FRRS1: variants seen among roughly 807,000 people sequenced by gnomAD.
FRRS1 encodes ferric reductase 1.
In FRRS1, 51 loss-of-function variants were observed where a neutral mutation model predicts 70.7. That is an observed-to-expected ratio of 0.72 (90% CI 0.58 to 0.91). FRRS1 has a LOEUF of 0.91. FRRS1 is among the 40% of genes least tolerant of loss of function. The pLI is 0.00. For synonymous variants in FRRS1, 225 were observed against 238.7 expected, an observed-to-expected ratio of 0.94 and a Z score of 0.53; for missense variants, 672 against 726.0, an observed-to-expected ratio of 0.93 and a Z score of 0.86.
chr1:99,741,060 G>A, intron 5 of FRRS1, 120 bp from the exon 6 acceptor site: 1 of 917,946 alleles, frequency 1.1e-6, no homozygotes, highest in Non-Finnish European at 1.7e-6. Flanking sequence ...CTACCTAACA[G>A]GACTATTAAT....
chr1:99,716,004 C>A (rs573146481), intron 11 of FRRS1, among the ~76,000 whole-genome samples: 1 of 152,298 alleles, frequency 6.6e-6, no homozygotes, highest in African/African-American at 2.4e-5. Context: ...ATTTATTAAG[C>A]TCCACCATCG....
chr1:99,747,532 A>T, intron 3 of FRRS1, 102 bp from the exon 4 acceptor site: 3 of 1,063,942 alleles, frequency 2.8e-6, no homozygotes, highest in Non-Finnish European at 4.1e-6. Context: ...CATATGCAAA[A>T]GTACTCCTGG....
Position 99,706,211 on chromosome 1 carries a change from A to G in FRRS1, c.*2817T>C, listed in dbSNP as rs1177226701. Among the ~76,000 whole-genome samples, 1 of 148,506 alleles carries G rather than the reference A, an allele frequency of 6.7e-6. No individual in the cohort carries two copies. The highest frequency in any genetic ancestry group is 1.5e-5 in the Non-Finnish European group (1 of 67,616). On this transcript the variant is annotated 3_prime_UTR_variant, in exon 17 of 17. Transcript: ENST00000646001. The stretch of plus-strand genomic sequence containing the variant: ...AGATCAGCCTGGGCAACAAAGGGAG[A>G]TCCCTTCTCTACCAAAAAAAAAAAA...
intron 11 of FRRS1, among the ~76,000 whole-genome samples, chr1:99,716,828 T>C (rs1654555287): frequency 2.0e-5 from 3 of 152,336 alleles, no homozygotes; most frequent in African/African-American, 7.2e-5. Context: ...AGGATACTCA[T>C]TGGCTCTTGC....
Position 99,709,098 on chromosome 1 carries a change from A to G in FRRS1, c.1709T>C (p.Val570Ala), listed in dbSNP as rs745491322. The change falls in exon 17 of 17, where the codon GTG (valine) becomes GCG (alanine). Residue 570 changes from valine (V) to alanine (A), a missense_variant. By Grantham distance (64) the Val-to-Ala change is moderately conservative. Coordinates refer to ENST00000646001, the MANE Select transcript of FRRS1 (RefSeq NM_001361041.2). ...ETEGHAFKKAVLAIYVCGNVT... is the reference protein window; with the variant it reads ...ETEGHAFKKAALAIYVCGNVT... The stretch of plus-strand genomic sequence containing the variant: ...ATTCCCACAGACATAAATTGCCAAC[A>G]CTGCCTTTTTAAAAGCATGACCCTG... 2.8e-5 allele frequency: 45 copies of G among 1,613,470 alleles called. No individual in the cohort carries two copies. The highest frequency in any genetic ancestry group is 3.2e-5 in the Non-Finnish European group (38 of 1,179,770).
intron 9 of FRRS1, among the ~76,000 whole-genome samples, chr1:99,723,807 A>T (rs1395440331): frequency 6.6e-6 from 1 of 152,230 alleles, no homozygotes; most frequent in African/African-American, 2.4e-5. Context: ...AAATGGTGTT[A>T]GGACACCTGG....
chr1:99,753,994 G>A lies in FRRS1; in HGVS notation c.-105-4993C>T, dbSNP rs557786074. 7.8e-4 allele frequency among the ~76,000 whole-genome samples: 119 copies of A among 152,270 alleles called. 1 individual carries two copies. Among genetic ancestry groups the A allele is most frequent in the African/African-American group, 8.9e-4 (37 of 41,550 alleles). On this transcript the variant is annotated intron_variant, in intron 1 of 16. Transcript: ENST00000646001. ...ATTTAAAGAAAGCAGGAGTAGCTAC[G>A]TTAATTTCAGACAGTAGACTTCAAA...
In FRRS1 at chr1:99,705,397, T is replaced by C. The variant is rs1234181645; in HGVS notation, c.*3631A>G. On this transcript the variant is annotated 3_prime_UTR_variant, in exon 17 of 17. Transcript: ENST00000646001. ...GAACTGTGAATATCCTAATCTGATT[T>C]AAAAAGGACTCTTAGAAGAATCTTT... is the stretch of plus-strand genomic sequence containing the variant. 1.3e-5 allele frequency among the ~76,000 whole-genome samples: 2 copies of C among 152,234 alleles called. No homozygotes were observed. The highest frequency in any genetic ancestry group is 2.9e-5 in the Non-Finnish European group (2 of 68,032).
chr1:99,750,709 C>G (rs1052034808), intron 1 of FRRS1, among the ~76,000 whole-genome samples: 4 of 150,150 alleles, frequency 2.7e-5, no homozygotes, highest in African/African-American at 9.8e-5. Flanking sequence ...GAGAACAGAT[C>G]CAAGAACTGT....
At position 99,706,902 on chromosome 1, in the gene FRRS1, A is replaced by G. The variant is rs766690176; in HGVS notation, c.*2126T>C. Among the ~76,000 whole-genome samples the G allele has an allele frequency of 1.6e-4, 25 of 152,182 alleles. No homozygotes were observed. The highest frequency in any genetic ancestry group is 2.8e-4 in the Non-Finnish European group (19 of 68,026). ...GTGAGACTTTGTCACAAAAAAAAAA[A>G]AGAGAGAATTTTTCTTTGTCAGATG... On this transcript the variant is annotated 3_prime_UTR_variant, in exon 17 of 17. Transcript: ENST00000646001.
chr1:99,718,628 CT>C (rs1654653695), intron 10 of FRRS1, among the ~76,000 whole-genome samples: 1 of 152,168 alleles, frequency 6.6e-6, no homozygotes, highest in Non-Finnish European at 1.5e-5. Context: ...CGCGTACGGC[CT>C]AGAGCCTTGT....
intron 9 of FRRS1, among the ~76,000 whole-genome samples, chr1:99,720,856 C>CAG (rs1239240220): frequency 6.6e-6 from 1 of 151,180 alleles, no homozygotes; most frequent in African/African-American, 2.4e-5. Context: ...CACACACACA[C>CAG]ACACACACAC....
In FRRS1 at chr1:99,738,070, A is replaced by C. The variant is rs1271228725; in HGVS notation, c.759+16T>G. ...TTCTCCTTTTGTTACCACTTATGTA[A>C]GTGAGAGGTACCAACCATCCACTGA... is the stretch of plus-strand genomic sequence containing the variant. On this transcript the variant is annotated intron_variant, in intron 7 of 16. Transcript: ENST00000646001. 6.3e-6 allele frequency: 10 copies of C among 1,586,602 alleles called. No individual in the cohort carries two copies. Among genetic ancestry groups the C allele is most frequent in the Non-Finnish European group, 8.6e-6 (10 of 1,162,906 alleles).
Position 99,747,334 on chromosome 1 carries a change from T to A in FRRS1, c.293A>T (p.Asp98Val). ...GGTCAAAAGTTGTGACACTTCACTG[T>A]CAATCAATGTGAAGGAGCCAATAGG... ...GPPIGSFTLI[D>V]SEVSQLLTCE... The change falls in exon 4 of 17, where the codon GAC becomes GTC. Residue 98 changes from aspartate to valine, a missense_variant. By Grantham distance (152) the Asp-to-Val change is radical. Coordinates refer to ENST00000646001, the MANE Select transcript of FRRS1 (RefSeq NM_001361041.2). The A allele has an allele frequency of 6.2e-7, 1 of 1,613,988 alleles. No homozygotes were observed. The highest frequency in any genetic ancestry group is 8.5e-7 in the Non-Finnish European group (1 of 1,179,914).
chr1:99,724,504 A>T (rs1654986195), intron 9 of FRRS1, among the ~76,000 whole-genome samples: 1 of 152,252 alleles, frequency 6.6e-6, no homozygotes, highest in Non-Finnish European at 1.5e-5. Flanking sequence ...GATTGTTAGG[A>T]GACTTTATTG....
intron 3 of FRRS1, 195 bp from the exon 4 acceptor site, chr1:99,747,625 C>A (rs777762466): frequency 9.3e-6 from 5 of 539,908 alleles, no homozygotes; most frequent in Non-Finnish European, 1.3e-5. Context: ...GATATTCAAT[C>A]TGTGAGATAT....
At chr1:99,766,267 T>C (rs1657347132) in intron 1 of FRRS1, among the ~76,000 whole-genome samples, 1 of 151,960 alleles carries the variant, frequency 6.6e-6, no homozygotes, top group Non-Finnish European at 1.5e-5. Flanking sequence ...AAAGAGTTCC[T>C]ACAGTTTTAA....
At chr1:99,761,988 T>A (rs572096490) in intron 1 of FRRS1, among the ~76,000 whole-genome samples, 1 of 152,218 alleles carries the variant, frequency 6.6e-6, no homozygotes, top group Non-Finnish European at 1.5e-5. Context: ...TGTCCCCATA[T>A]GTAAAATAGG....
chr1:99,726,557 T>C (rs1396828262), intron 9 of FRRS1, among the ~76,000 whole-genome samples: 1 of 152,240 alleles, frequency 6.6e-6, no homozygotes, highest in Non-Finnish European at 1.5e-5. Context: ...ATGCAAAGCC[T>C]CTGTGAGAAA....
Sources: gnomAD v4.1 joint callset for allele counts (sites outside exome capture counted in the v4.1 genomes callset) on GRCh38, gnomAD v4.1.1 for gene constraint, MANE v1.5 for transcripts, NCBI Gene and HGNC (gene_info 2026-07-23, HGNC 2026-07-21) for gene names.